DENND2C: variants seen among roughly 807,000 people sequenced by gnomAD.
DENND2C encodes the protein DENN domain-containing protein 2C.
A neutral mutation model predicts 112.4 loss-of-function variants in DENND2C; 72 were observed. The observed-to-expected ratio is 0.64, with a 90% CI of 0.53 to 0.78. DENND2C has a LOEUF of 0.78. Among genes scored for constraint, DENND2C ranks in the 30% least tolerant of loss-of-function variants. DENND2C has a pLI of 0.00. For synonymous variants in DENND2C, 329 were observed against 381.6 expected (o/e 0.86, Z 1.61); for missense variants, 992 against 1,113.8 (o/e 0.89, Z 1.56).
chr1:114,621,859 G>T (rs1442211907), intron 7 of DENND2C, 36 bp downstream of exon 7: 1 of 1,548,994 alleles, frequency 6.5e-7, no homozygotes, highest in Admixed American at 2.0e-5. Context: ...AAATGCTGAA[G>T]TAAGAGTCAA....
chr1:114,634,709 T>C (rs943552445), intron 3 of DENND2C, among the ~76,000 whole-genome samples: 29 of 152,082 alleles, frequency 1.9e-4, no homozygotes, highest in African/African-American at 6.7e-4. Context: ...AAACAATAAG[T>C]GAGGATACTA....
chr1:114,586,477 CTT>C (rs535908913), intron 20 of DENND2C, among the ~76,000 whole-genome samples: 1 of 152,026 alleles, frequency 6.6e-6, no homozygotes, highest in Admixed American at 6.5e-5. Context: ...AATAAATAAA[CTT>C]ATATCAGGGA....
In DENND2C at chr1:114,621,972, A is replaced by T. The variant is rs969156546; in HGVS notation, c.1150T>A (p.Leu384Met). Residue 384 changes from leucine (L) to methionine (M), a missense_variant, in exon 7 of 21, where the codon TTG (leucine) becomes ATG (methionine). Physicochemically the swap from Leu to Met is conservative, Grantham distance 15 (BLOSUM62 2). This residue lies in a region of DENND2C where 470 missense variants were observed against 472.7 expected (regional missense o/e 0.99). Coordinates refer to ENST00000393274, the MANE Select transcript of DENND2C (RefSeq NM_001256404.2). ...LRSKLTKDTT[L>M]PVTLTEWKLF... ...TTCCATTCCGTTAAAGTGACCGGCA[A>T]AGTTGTATCTTTTGTAAGCTTTGAC... The T allele has an allele frequency of 1.5e-4, 235 of 1,550,756 alleles. 1 individual carries two copies. Among genetic ancestry groups the T allele is most frequent in the Non-Finnish European group, 1.9e-4 (222 of 1,147,056 alleles).
intron 6 of DENND2C, among the ~76,000 whole-genome samples, chr1:114,622,579 C>G (rs1046026727): frequency 6.6e-6 from 1 of 152,120 alleles, no homozygotes; most frequent in Non-Finnish European, 1.5e-5. Flanking sequence ...AGTTCCACTA[C>G]AAGGTAATCA....
At chr1:114,634,707 A>C (rs2101675493) in intron 3 of DENND2C, among the ~76,000 whole-genome samples, 1 of 152,344 alleles carries the variant, frequency 6.6e-6, no homozygotes, top group South Asian at 2.1e-4. Flanking sequence ...AAAAACAATA[A>C]GTGAGGATAC....
At chr1:114,653,710 T>C (rs573101187) in intron 2 of DENND2C, among the ~76,000 whole-genome samples, 137 of 152,324 alleles carry the variant, frequency 9.0e-4, no homozygotes, top group Non-Finnish European at 1.7e-3. Context: ...TTTTAAGTGG[T>C]ATTTGTTGTA....
At chr1:114,589,106 G>A (rs1448811826) in intron 18 of DENND2C, among the ~76,000 whole-genome samples, 1 of 152,192 alleles carries the variant, frequency 6.6e-6, no homozygotes, top group Non-Finnish European at 1.5e-5. Context: ...TCACAAGTCA[G>A]GTGATTTTTA....
In DENND2C at chr1:114,663,403, T is replaced by C. The variant is rs1487836315; in HGVS notation, c.-574+6580A>G. ...CTCTGTACAAGTTAATCTATTTCTC[T>C]GTATCTAAAGTTCCAAACCAGTAAA... On this transcript the variant is annotated intron_variant, in intron 1 of 20. Coordinates refer to ENST00000393274, the MANE Select transcript of DENND2C (RefSeq NM_001256404.2). 4.6e-5 allele frequency among the ~76,000 whole-genome samples: 7 copies of C among 152,366 alleles called. No individual in the cohort carries two copies. In the East Asian group the frequency reaches 1.3e-3, roughly 29 times the overall value.
At chr1:114,622,267 C>T (rs1032574878) in intron 6 of DENND2C, among the ~76,000 whole-genome samples, 1 of 152,062 alleles carries the variant, frequency 6.6e-6, no homozygotes, top group African/African-American at 2.4e-5. Flanking sequence ...GCACGTGTCA[C>T]CACATCCGGC....
chr1:114,599,836 A>G (rs1655443651), intron 15 of DENND2C, among the ~76,000 whole-genome samples: 3 of 152,102 alleles, frequency 2.0e-5, no homozygotes, highest in Non-Finnish European at 2.9e-5. Context: ...ACTATATACC[A>G]CTAGATAACT....
intron 8 of DENND2C, among the ~76,000 whole-genome samples, chr1:114,615,047 A>C (rs1461250068): frequency 1.3e-5 from 2 of 152,110 alleles, no homozygotes; most frequent in African/African-American, 4.8e-5. Flanking sequence ...GTAGTTATGA[A>C]TAGACTGCTG....
chr1:114,614,062 T>A (rs1374210654), intron 8 of DENND2C, among the ~76,000 whole-genome samples: 1 of 151,882 alleles, frequency 6.6e-6, no homozygotes, highest in East Asian at 1.9e-4. Flanking sequence ...TGAGATTTTG[T>A]CTCTACGAAA....
At chr1:114,619,145 T>C (rs1012788710) in intron 7 of DENND2C, among the ~76,000 whole-genome samples, 5 of 152,212 alleles carry the variant, frequency 3.3e-5, no homozygotes, top group Admixed American at 2.0e-4. Context: ...GTATTACTCA[T>C]TAGAAATTTT....
chr1:114,664,067 C>A (rs768697383), intron 1 of DENND2C, among the ~76,000 whole-genome samples: 1 of 151,510 alleles, frequency 6.6e-6, no homozygotes, highest in East Asian at 2.0e-4. Flanking sequence ...GCCTCCCAAG[C>A]GGCTGGGACC....
At position 114,599,412 on chromosome 1, in the gene DENND2C, C is replaced by T. The variant is rs1320220508; in HGVS notation, c.2145G>A (p.Leu715=). ...AGGTATGCTGCCAGGTGAACGGATA[C>T]AGTGTAGCTACCACAGCATGGCCAC... The part of the protein sequence containing the change: ...SKCGHAVVAT[L]YPFTWQHTYI... The change falls in exon 16 of 21, where the codon CTG becomes CTA. Residue 715 remains leucine, a synonymous_variant. Transcript: ENST00000393274. 4 of 1,613,878 alleles carry T rather than the reference C, an allele frequency of 2.5e-6. No homozygotes were observed. The highest frequency in any genetic ancestry group is 1.1e-5 in the South Asian group (1 of 91,068).
Position 114,585,580 on chromosome 1 carries a change from G to T in DENND2C, c.*20C>A. ...TTGGCACTTTCTGTTGTATATTCAG[G>T]ATGGAGACAATCAGAGATTTCATTT... is the stretch of plus-strand genomic sequence containing the variant. On this transcript the variant is annotated 3_prime_UTR_variant, in exon 21 of 21. Coordinates refer to ENST00000393274, the MANE Select transcript of DENND2C (RefSeq NM_001256404.2). 6.2e-7 allele frequency: 1 copy of T among 1,613,198 alleles called. No homozygotes were observed. The highest frequency in any genetic ancestry group is 8.5e-7 in the Non-Finnish European group (1 of 1,179,278).
Position 114,625,261 on chromosome 1 carries a change from A to C in DENND2C, c.724T>G (p.Ser242Ala), listed in dbSNP as rs747847107. Residue 242 changes from serine (S) to alanine (A), a missense_variant, in exon 4 of 21, where the codon TCT becomes GCT. Ser to Ala is a moderately conservative substitution (Grantham distance 99, BLOSUM62 1). Coordinates refer to ENST00000393274, the MANE Select transcript of DENND2C (RefSeq NM_001256404.2). ...NCDKKYCENN[S>A]CAQSSLASSQ... ...GAGGCCAAAGAAGATTGTGCACAAG[A>C]GTTATTTTCACAGTATTTTTTGTCA... The C allele has an allele frequency of 1.9e-6, 3 of 1,614,118 alleles. No individual in the cohort carries two copies. In the East Asian group the frequency reaches 6.7e-5, roughly 36 times the overall value.
At chr1:114,613,313 G>A (rs1655873549) in intron 8 of DENND2C, among the ~76,000 whole-genome samples, 1 of 152,152 alleles carries the variant, frequency 6.6e-6, no homozygotes, top group Non-Finnish European at 1.5e-5. Flanking sequence ...AAATGTATTT[G>A]CGTGCACATG....
chr1:114,627,558 A>G (rs1037639857), intron 3 of DENND2C, among the ~76,000 whole-genome samples: 10 of 150,156 alleles, frequency 6.7e-5, no homozygotes, highest in Non-Finnish European at 1.5e-4. Context: ...TTGCCAGCAA[A>G]TAAACTTTGG....
Sources: gnomAD v4.1 joint callset for allele counts (sites outside exome capture counted in the v4.1 genomes callset) on GRCh38, gnomAD v4.1.1 for gene constraint, gnomAD v4.1.1 regional missense constraint, MANE v1.5 for transcripts, NCBI Gene and HGNC (gene_info 2026-07-23, HGNC 2026-07-21) for gene names.